The following HEATR5B variants were observed in gnomAD, a reference collection of about 807,000 sequenced individuals.
HEATR5B encodes HEAT repeat containing 5B, also known as HEAT repeat-containing protein 5B.
Under a neutral mutation model 224.1 loss-of-function variants are expected in HEATR5B, and 156 were observed. The ratio of observed to expected loss-of-function variants is 0.70; its 90% confidence interval spans 0.61 to 0.80. HEATR5B has a LOEUF of 0.80. Among genes scored for constraint, HEATR5B ranks in the 30% least tolerant of loss-of-function variants. The probability of loss-of-function intolerance (pLI) is 0.00; values close to 1 mark genes in which losing one functional copy is unlikely to be tolerated. For synonymous variants in HEATR5B, 1,027 were observed against 893.0 expected (o/e 1.15, Z -2.68); for missense variants, 2,323 against 2,535.5 (o/e 0.92, Z 1.80).
intron 21 of HEATR5B, among the ~76,000 whole-genome samples, chr2:37,036,457 T>C (rs560362945): frequency 6.6e-6 from 1 of 152,174 alleles, no homozygotes; most frequent in East Asian, 1.9e-4. Flanking sequence ...TACTTCAATA[T>C]CATGCCCTTT....
At chr2:37,045,948 T>C (rs1221800761) in intron 18 of HEATR5B, among the ~76,000 whole-genome samples, 1 of 152,194 alleles carries the variant, frequency 6.6e-6, no homozygotes, top group African/African-American at 2.4e-5. Context: ...GACACAAGGG[T>C]AAATACAGTC....
At chr2:37,009,198 C>T (rs1020120535) in intron 27 of HEATR5B, among the ~76,000 whole-genome samples, 14 of 136,660 alleles carry the variant, frequency 1.0e-4, no homozygotes, top group African/African-American at 3.9e-4. Flanking sequence ...GCGGAGGTTG[C>T]AGTGAGCCGA....
At chr2:36,996,499 C>T (rs1666722438) in intron 33 of HEATR5B, among the ~76,000 whole-genome samples, 1 of 151,726 alleles carries the variant, frequency 6.6e-6, no homozygotes, top group Non-Finnish European at 1.5e-5. Context: ...TCACTGCAAC[C>T]TCTGCCTCCT....
intron 8 of HEATR5B, among the ~76,000 whole-genome samples, chr2:37,066,666 T>C (rs1279589720): frequency 4.6e-5 from 7 of 152,146 alleles, no homozygotes; most frequent in African/African-American, 1.4e-4. Flanking sequence ...GAATACATTC[T>C]GGCCCACAAA....
At chr2:37,018,996 T>C (rs574282235) in intron 26 of HEATR5B, among the ~76,000 whole-genome samples, 1 of 151,960 alleles carries the variant, frequency 6.6e-6, no homozygotes, top group South Asian at 2.1e-4. Flanking sequence ...ACTGTCTCTA[T>C]TAAAAACACA....
At chr2:37,041,772 A>C (rs1315427210) in intron 18 of HEATR5B, among the ~76,000 whole-genome samples, 5 of 150,806 alleles carry the variant, frequency 3.3e-5, no homozygotes, top group African/African-American at 9.7e-5. Flanking sequence ...TAATAATAAT[A>C]ATAATTGGTT....
intron 12 of HEATR5B, 68 bp from the exon 13 acceptor site, chr2:37,059,055 GTATAAA>G: frequency 2.1e-6 from 2 of 960,750 alleles, no homozygotes; most frequent in African/African-American, 1.6e-5. Flanking sequence ...TTATAAAATT[GTATAAA>G]TATAAAGGCA....
chr2:37,005,851 G>C (rs902159894), intron 29 of HEATR5B, 92 bp from the exon 30 acceptor site: 23 of 1,016,266 alleles, frequency 2.3e-5, no homozygotes, highest in Non-Finnish European at 2.5e-5. Context: ...TGTTTTTACA[G>C]ATTACCTTAA....
chr2:37,066,025 T>G, intron 8 of HEATR5B, 115 bp from the exon 9 acceptor site: 1 of 812,324 alleles, frequency 1.2e-6, no homozygotes, highest in South Asian at 2.1e-5. Flanking sequence ...TGTTAAAAAC[T>G]ATGCAGTTAT....
chr2:36,992,833 T>G (rs1572747202), intron 33 of HEATR5B, among the ~76,000 whole-genome samples: 1 of 151,770 alleles, frequency 6.6e-6, no homozygotes, highest in South Asian at 2.1e-4. Context: ...CAAGCAACCC[T>G]CCCACCTCAG....
At chr2:36,990,959 G>A (rs1022780091) in intron 33 of HEATR5B, among the ~76,000 whole-genome samples, 160 bp from the exon 34 acceptor site, 3 of 152,056 alleles carry the variant, frequency 2.0e-5, no homozygotes, top group Admixed American at 1.3e-4. Flanking sequence ...CAAAGTGCTG[G>A]GATTACAGGT....
intron 17 of HEATR5B, among the ~76,000 whole-genome samples, chr2:37,050,913 T>C (rs905895447): frequency 4.6e-5 from 7 of 151,478 alleles, no homozygotes; most frequent in African/African-American, 1.2e-4. Context: ...TGGTTGCACA[T>C]GCCTGTAATC....
At chr2:37,026,197 G>C (rs1668761524) in intron 24 of HEATR5B, among the ~76,000 whole-genome samples, 1 of 152,156 alleles carries the variant, frequency 6.6e-6, no homozygotes, top group African/African-American at 2.4e-5. Flanking sequence ...GAGAGAGGGA[G>C]CCGTGAGCCA....
In HEATR5B at chr2:37,028,928, G is replaced by A. The variant is rs1668949308; in HGVS notation, c.3362-8C>T. The stretch of plus-strand genomic sequence containing the variant: ...GGGCAAAAGGACTGACATCTGAAAG[G>A]TAATTTTTACAAATGAATTTGTATG... On this transcript the variant is annotated splice_region_variant and splice_polypyrimidine_tract_variant and intron_variant, in intron 22 of 35. Transcript: ENST00000233099. 1.9e-6 allele frequency: 3 copies of A among 1,611,986 alleles called. No homozygotes were observed. The highest frequency in any genetic ancestry group is 2.2e-5 in the East Asian group (1 of 44,850).
chr2:37,039,874 C>T (rs1456078060), intron 20 of HEATR5B, among the ~76,000 whole-genome samples: 2 of 152,106 alleles, frequency 1.3e-5, no homozygotes, highest in Non-Finnish European at 2.9e-5. Context: ...AGTTTACTTC[C>T]TCATAGAAAA....
intron 21 of HEATR5B, 96 bp from the exon 22 acceptor site, chr2:37,032,869 T>C (rs543817543): frequency 5.0e-6 from 5 of 1,002,732 alleles, no homozygotes; most frequent in East Asian, 2.7e-5. Flanking sequence ...TACATACATA[T>C]ATATGTTTTG....
chr2:37,017,133 A>G (rs1668165691), intron 26 of HEATR5B, among the ~76,000 whole-genome samples: 1 of 152,236 alleles, frequency 6.6e-6, no homozygotes, highest in African/African-American at 2.4e-5. Flanking sequence ...TTCACATTAA[A>G]GAATCAGAAA....
chr2:37,008,446 A>T (rs1667568207), intron 28 of HEATR5B, 165 bp downstream of exon 28: 1 of 615,042 alleles, frequency 1.6e-6, no homozygotes, highest in East Asian at 2.7e-5. Context: ...TTCTATCTAC[A>T]AATTCAATAT....
At chr2:37,083,790 G>C (rs1672783655) in intron 1 of HEATR5B, among the ~76,000 whole-genome samples, 1 of 152,334 alleles carries the variant, frequency 6.6e-6, no homozygotes, top group African/African-American at 2.4e-5. Context: ...AGCCGGGCTT[G>C]ACAACCATCC....
Sources: allele counts gnomAD v4.1 joint callset (sites outside exome capture counted in the v4.1 genomes callset), GRCh38; gene constraint gnomAD v4.1.1; transcripts MANE v1.5; gene names NCBI Gene and HGNC (gene_info 2026-07-23, HGNC 2026-07-21).